The following PTPRD variants were observed in gnomAD, a reference collection of about 807,000 sequenced individuals.
PTPRD encodes the protein protein tyrosine phosphatase receptor type D.
A neutral mutation model predicts 214.5 loss-of-function variants in PTPRD; 34 were observed. The observed-to-expected ratio is 0.16, with a 90% CI of 0.12 to 0.21. The LOEUF (loss-of-function observed/expected upper bound fraction) is 0.21, where lower values mean the gene tolerates loss of function less well. Among genes scored for constraint, PTPRD ranks in the 10% least tolerant of loss-of-function variants. The pLI is 1.00. For synonymous variants in PTPRD, 1,128 were observed against 845.7 expected, an observed-to-expected ratio of 1.33 and a Z score of -5.79; for missense variants, 2,545 against 2,398.7, an observed-to-expected ratio of 1.06 and a Z score of -1.27.
intron 12 of PTPRD, among the ~76,000 whole-genome samples, chr9:8,646,697 C>A (rs898653899): frequency 2.0e-5 from 3 of 152,190 alleles, no homozygotes; most frequent in African/African-American, 7.2e-5. Context: ...TTATGAATCA[C>A]AATAGTCTAT....
chr9:8,626,969 T>C (rs2096063378), intron 14 of PTPRD, among the ~76,000 whole-genome samples: 1 of 151,742 alleles, frequency 6.6e-6, no homozygotes, highest in African/African-American at 2.4e-5. Context: ...TGCACACACC[T>C]ACCATCAATA....
At chr9:9,417,805 T>C (rs2077430676) in intron 8 of PTPRD, among the ~76,000 whole-genome samples, 1 of 152,224 alleles carries the variant, frequency 6.6e-6, no homozygotes, top group African/African-American at 2.4e-5. Context: ...TAAGACTTTG[T>C]GTCAGGATTA....
At chr9:9,257,167 A>T (rs916765536) in intron 9 of PTPRD, among the ~76,000 whole-genome samples, 1 of 152,008 alleles carries the variant, frequency 6.6e-6, no homozygotes, top group Non-Finnish European at 1.5e-5. Flanking sequence ...TGGGGGGTAG[A>T]AAACAAAACT....
chr9:9,490,850 G>A (rs560241698), intron 8 of PTPRD, among the ~76,000 whole-genome samples: 4 of 151,630 alleles, frequency 2.6e-5, no homozygotes, highest in African/African-American at 7.3e-5. Context: ...ATAGCAAAAA[G>A]ACAGAGGTAA....
chr9:9,163,645 T>C (rs2099895238), intron 10 of PTPRD, among the ~76,000 whole-genome samples: 1 of 152,140 alleles, frequency 6.6e-6, no homozygotes, highest in Non-Finnish European at 1.5e-5. Flanking sequence ...TATGATATTC[T>C]CCCACTTAAA....
intron 9 of PTPRD, among the ~76,000 whole-genome samples, chr9:9,338,522 C>A (rs533456101): frequency 3.9e-5 from 6 of 151,932 alleles, no homozygotes; most frequent in Non-Finnish European, 7.4e-5. Flanking sequence ...ATAAGATATT[C>A]TTTTTCACAG....
intron 11 of PTPRD, among the ~76,000 whole-genome samples, chr9:8,772,126 C>T (rs2095253540): frequency 1.3e-5 from 2 of 151,118 alleles, no homozygotes; most frequent in Admixed American, 1.3e-4. Flanking sequence ...AAAACTATTC[C>T]TTCCTGAAAA....
intron 2 of PTPRD, among the ~76,000 whole-genome samples, chr9:10,555,212 C>A (rs574277130): frequency 1.3e-5 from 2 of 152,164 alleles, no homozygotes; most frequent in African/African-American, 4.8e-5. Flanking sequence ...CTATATTATC[C>A]AATTTTTACA....
chr9:8,491,891 G>A (rs913909689), intron 27 of PTPRD, among the ~76,000 whole-genome samples: 2 of 152,100 alleles, frequency 1.3e-5, no homozygotes, highest in African/African-American at 4.8e-5. Flanking sequence ...TTTGAGAAGT[G>A]ATTCGGGCAG....
chr9:8,914,694 T>G (rs2098772268), intron 11 of PTPRD, among the ~76,000 whole-genome samples: 1 of 152,148 alleles, frequency 6.6e-6, no homozygotes, highest in Non-Finnish European at 1.5e-5. Flanking sequence ...ATATAATGCT[T>G]ACGAAAGCAT....
intron 6 of PTPRD, among the ~76,000 whole-genome samples, chr9:9,740,154 G>T (rs897429817): frequency 3.9e-5 from 6 of 152,020 alleles, no homozygotes; most frequent in African/African-American, 1.4e-4. Flanking sequence ...CCTTAAATGT[G>T]TTGATCTTGT....
At chr9:9,618,703 A>G (rs2095054007) in intron 7 of PTPRD, among the ~76,000 whole-genome samples, 1 of 152,226 alleles carries the variant, frequency 6.6e-6, no homozygotes, top group Admixed American at 6.5e-5. Context: ...TCAAATACAA[A>G]TATCAAGTAG....
chr9:8,449,715 T>G lies in PTPRD; in HGVS notation c.3988+10A>C, dbSNP rs1458478323. The G allele has an allele frequency of 6.2e-7, 1 of 1,612,010 alleles. No individual in the cohort carries two copies. Among genetic ancestry groups the G allele is most frequent in the Non-Finnish European group, 8.5e-7 (1 of 1,178,136 alleles). On this transcript the variant is annotated intron_variant, in intron 34 of 45. Transcript: ENST00000381196. ...GACTGTGTGTGGATTAGATGTGTGA[T>G]GCTTCTTACCCGGTGTTTGAAAGTT...
intron 23 of PTPRD, among the ~76,000 whole-genome samples, chr9:8,503,882 T>C (rs2097478883): frequency 1.3e-5 from 2 of 152,218 alleles, no homozygotes; most frequent in African/African-American, 4.8e-5. Context: ...TTTTTTGTCT[T>C]TTGCAGCCTC....
At chr9:8,481,679 T>C (rs924999382) in intron 30 of PTPRD, among the ~76,000 whole-genome samples, 4 of 152,216 alleles carry the variant, frequency 2.6e-5, no homozygotes, top group South Asian at 2.1e-4. Flanking sequence ...TATTTTAGTC[T>C]TTTGCTTCAC....
rs575319358 is a variant in PTPRD, at chr9:9,441,397, G to A, written c.-236-43915C>T. On this transcript the variant is annotated intron_variant, in intron 8 of 45. Coordinates refer to ENST00000381196, the MANE Select transcript of PTPRD (RefSeq NM_002839.4). ...GGTAGAAATAAACTGCTAGACAAAA[G>A]AAAAAGTATGTCTGAAATTCTCTAT... is the stretch of plus-strand genomic sequence containing the variant. Among the ~76,000 whole-genome samples, 25 of 152,224 alleles carry A rather than the reference G, an allele frequency of 1.6e-4. No homozygotes were observed. In the East Asian group the frequency reaches 3.7e-3, roughly 22 times the overall value.
intron 3 of PTPRD, among the ~76,000 whole-genome samples, chr9:10,259,053 C>T (rs1274296397): frequency 6.6e-6 from 1 of 151,970 alleles, no homozygotes; most frequent in Non-Finnish European, 1.5e-5. Context: ...GACGGAGTCT[C>T]ACTCTGTCGC....
chr9:10,599,274 A>AT lies in PTPRD; in HGVS notation c.-600+13123_-600+13124insA, dbSNP rs543355433. ...CTGAACTACTCACCTTACGACTGTT[A>AT]AATGATTATAATTGAGTTATTATCT... On this transcript the variant is annotated intron_variant, in intron 2 of 45. Coordinates refer to ENST00000381196, the MANE Select transcript of PTPRD (RefSeq NM_002839.4). Among the ~76,000 whole-genome samples, 15 of 151,898 alleles carry AT rather than the reference A, an allele frequency of 9.9e-5. 1 individual carries two copies. The South Asian group carries it at 3.1e-3, about 32-fold the overall frequency.
intron 11 of PTPRD, among the ~76,000 whole-genome samples, chr9:8,737,320 A>C (rs1423281601): frequency 6.6e-6 from 1 of 152,220 alleles, no homozygotes; most frequent in Non-Finnish European, 1.5e-5. Flanking sequence ...CATTCCAGCT[A>C]ATCTCCATTC....
Sources: gnomAD v4.1 joint callset for allele counts (sites outside exome capture counted in the v4.1 genomes callset) on GRCh38, gnomAD v4.1.1 for gene constraint, MANE v1.5 for transcripts, NCBI Gene and HGNC (gene_info 2026-07-23, HGNC 2026-07-21) for gene names.